Variants in KIF13B observed in about 807,000 individuals in gnomAD.
The protein encoded by KIF13B is kinesin family member 13B.
Under a neutral mutation model 222.0 loss-of-function variants are expected in KIF13B, and 127 were observed. The ratio of observed to expected loss-of-function variants is 0.57; its 90% CI spans 0.50 to 0.66. The LOEUF (loss-of-function observed/expected upper bound fraction) is 0.66. Among genes scored for constraint, KIF13B ranks in the 30% least tolerant of loss-of-function variants. The pLI, the probability that KIF13B is intolerant of heterozygous loss-of-function variation, is 0.00. For missense variants in KIF13B, 2,173 were observed against 2,379.0 expected, an observed-to-expected ratio of 0.91 and a Z score of 1.80; for synonymous variants, 976 against 919.0, an observed-to-expected ratio of 1.06 and a Z score of -1.12.
At chr8:29,143,834 C>T (rs1047209815) in intron 18 of KIF13B, among the ~76,000 whole-genome samples, 1 of 150,810 alleles carries the variant, frequency 6.6e-6, no homozygotes, top group Non-Finnish European at 1.5e-5. Context: ...CAAAGCAAGA[C>T]TCTGTCTCAA....
intron 7 of KIF13B, among the ~76,000 whole-genome samples, chr8:29,180,497 A>C (rs925329744): frequency 6.6e-6 from 1 of 152,232 alleles, no homozygotes; most frequent in African/African-American, 2.4e-5. Context: ...ACCTTTGGTC[A>C]CACAAGATGA....
intron 3 of KIF13B, among the ~76,000 whole-genome samples, chr8:29,193,147 G>C (rs769698535): frequency 2.0e-5 from 3 of 152,304 alleles, no homozygotes; most frequent in South Asian, 2.1e-4. Flanking sequence ...AGAAGGAAGC[G>C]AGGCCAGGAA....
At chr8:29,072,818 G>A (rs1035202632) in intron 38 of KIF13B, among the ~76,000 whole-genome samples, 5 of 152,186 alleles carry the variant, frequency 3.3e-5, no homozygotes, top group African/African-American at 9.6e-5. Flanking sequence ...CACAGTAGGT[G>A]CACGCTAAAA....
chr8:29,142,789 A>T (rs1283810362), intron 18 of KIF13B, among the ~76,000 whole-genome samples: 1 of 152,130 alleles, frequency 6.6e-6, no homozygotes. Context: ...CAGTGAGCTG[A>T]AGTCTTGCCA....
chr8:29,231,324 A>G (rs953137346), intron 2 of KIF13B, among the ~76,000 whole-genome samples: 3 of 152,206 alleles, frequency 2.0e-5, no homozygotes, highest in Admixed American at 6.5e-5. Context: ...GGGTTTTCCT[A>G]TACTACTTAT....
chr8:29,071,579 C>T lies in KIF13B; in HGVS notation c.5218+41G>A, dbSNP rs1486127536. ...CCGGCCACGTTCCTGCTTCCCCAGA[C>T]CCCCGGCACCACCCTGGAGCCCGGA... On this transcript the variant is annotated intron_variant, in intron 39 of 39. Transcript: ENST00000524189. The surrounding 1 kb of genome is among the most constrained non-coding windows in gnomAD (Gnocchi z 4.9). 2.0e-6 allele frequency: 3 copies of T among 1,511,180 alleles called. No homozygotes were observed. The highest frequency in any genetic ancestry group is 3.9e-5 in the Admixed American group (2 of 50,704). 93.6% of individuals were successfully genotyped at this position (1,511,180 alleles called of 1,614,324 possible).
chr8:29,189,312 A>G (rs1160585081), intron 4 of KIF13B: 1 of 150,866 alleles, frequency 6.6e-6, no homozygotes, highest in South Asian at 2.1e-4. Flanking sequence ...ATACCAGTTA[A>G]CTTATACTTC....
At chr8:29,207,586 T>C (rs764533298) in intron 2 of KIF13B, among the ~76,000 whole-genome samples, 6 of 151,708 alleles carry the variant, frequency 4.0e-5, no homozygotes, top group Non-Finnish European at 8.8e-5. Context: ...AGTGTCCTGA[T>C]ACTCATCCAA....
chr8:29,172,369 A>G (rs1320063020), intron 10 of KIF13B, among the ~76,000 whole-genome samples: 2 of 151,804 alleles, frequency 1.3e-5, no homozygotes, highest in Admixed American at 1.3e-4. Flanking sequence ...GGTGTGAGCC[A>G]CCATGCCCAG....
In KIF13B at chr8:29,127,167, G is replaced by A. The variant is rs992159957; in HGVS notation, c.3177C>T (p.Val1059=). Residue 1059 remains valine, a synonymous_variant, in exon 25 of 40, where the codon GTC becomes GTT. Coordinates refer to ENST00000524189, the MANE Select transcript of KIF13B (RefSeq NM_015254.4). ...ECILSVGIGC[V]KVRPLRAPRT... ...TGGGGGCTCTGAGCGGTCTAACTTT[G>A]ACACATCCAATGCCAACAGACAGTA... is the stretch of plus-strand genomic sequence containing the variant. The A allele has an allele frequency of 1.9e-6, 3 of 1,613,842 alleles. No homozygotes were observed. In the African/African-American group the frequency reaches 4.0e-5, roughly 22 times the overall value.
At chr8:29,226,989 AAGAC>A (rs1815055600) in intron 2 of KIF13B, among the ~76,000 whole-genome samples, 1 of 152,192 alleles carries the variant, frequency 6.6e-6, no homozygotes, top group African/African-American at 2.4e-5. Context: ...ACTCACCCCT[AAGAC>A]AGGCCATTAA....
chr8:29,127,044 T>C (rs1810143240), intron 25 of KIF13B, 78 bp downstream of exon 25: 2 of 1,244,152 alleles, frequency 1.6e-6, no homozygotes, highest in East Asian at 4.8e-5. Context: ...TCATAAAAAG[T>C]AGTTTCGTAC....
At chr8:29,143,585 C>A (rs565514778) in intron 18 of KIF13B, among the ~76,000 whole-genome samples, 14 of 152,166 alleles carry the variant, frequency 9.2e-5, no homozygotes, top group African/African-American at 3.4e-4. Context: ...TGGTGGCTCA[C>A]GCCTGTAATC....
At chr8:29,198,766 C>T (rs879587839) in intron 2 of KIF13B, among the ~76,000 whole-genome samples, 1 of 152,200 alleles carries the variant, frequency 6.6e-6, no homozygotes, top group Non-Finnish European at 1.5e-5. Context: ...TCCCAATTTG[C>T]AGCACCTTAG....
At chr8:29,167,809 G>A (rs1296181601) in intron 10 of KIF13B, among the ~76,000 whole-genome samples, 1 of 152,140 alleles carries the variant, frequency 6.6e-6, no homozygotes, top group African/African-American at 2.4e-5. Flanking sequence ...TAAAGGACGG[G>A]GAAATGTCAT....
chr8:29,206,120 C>T lies in KIF13B; in HGVS notation c.150-9921G>A, dbSNP rs150262549. 4.1e-3 allele frequency among the ~76,000 whole-genome samples: 630 copies of T among 151,964 alleles called. 1 individual carries two copies. Among genetic ancestry groups the T allele is most frequent in the African/African-American group, 0.014 (598 of 41,452 alleles). ...AAAAAAAATGAAATTAACTAATTCC[C>T]CCCACAAAAAAAGAGGCTGGGGATA... On this transcript the variant is annotated intron_variant, in intron 2 of 39. Coordinates refer to ENST00000524189, the MANE Select transcript of KIF13B (RefSeq NM_015254.4).
intron 18 of KIF13B, among the ~76,000 whole-genome samples, chr8:29,144,036 TAA>T (rs1235594737): frequency 2.2e-5 from 3 of 137,604 alleles, no homozygotes; most frequent in Non-Finnish European, 1.6e-5. Context: ...ACCACAAAGT[TAA>T]AAAAAAAAAA....
chr8:29,192,008 T>C lies in KIF13B; in HGVS notation c.163-951A>G, dbSNP rs1481577268. Among the ~76,000 whole-genome samples the C allele has an allele frequency of 8.5e-5, 13 of 152,222 alleles. 1 individual carries two copies. The highest frequency in any genetic ancestry group is 7.8e-4 in the Admixed American group (12 of 15,288). On this transcript the variant is annotated intron_variant, in intron 3 of 39. Transcript: ENST00000524189. ...TGCATGTTAGTTTGCAGGTACATCT[T>C]AGCAGGGAGTGTTTATTTTATGGTT...
At chr8:29,156,679 ATTTTTTT>A (rs570502495) in intron 13 of KIF13B, among the ~76,000 whole-genome samples, 1 of 144,914 alleles carries the variant, frequency 6.9e-6, no homozygotes, top group South Asian at 2.2e-4. Context: ...TGACCAACTA[ATTTTTTT>A]TTTTTTTTTT....
Sources: allele counts gnomAD v4.1 joint callset (sites outside exome capture counted in the v4.1 genomes callset), GRCh38; gene constraint gnomAD v4.1.1; non-coding constraint Gnocchi (gnomAD v3.1); transcripts MANE v1.5; gene names NCBI Gene and HGNC (gene_info 2026-07-23, HGNC 2026-07-21).